Variants in NPSR1 observed in about 807,000 individuals in gnomAD.
The protein encoded by NPSR1 is neuropeptide S receptor 1.
A neutral mutation model predicts 46.9 loss-of-function variants in NPSR1; 48 were observed. The observed-to-expected ratio is 1.02, with a 90% CI of 0.81 to 1.30. The LOEUF (loss-of-function observed/expected upper bound fraction) is 1.30, where lower values mean the gene tolerates loss of function less well. Ranked by LOEUF, NPSR1 falls within the 50% of genes most tolerant of loss-of-function variation. The probability of loss-of-function intolerance (pLI) is 0.00; values close to 1 mark genes in which losing one functional copy is unlikely to be tolerated. For synonymous variants in NPSR1, 176 were observed against 168.1 expected (o/e 1.05, Z -0.36); for missense variants, 450 against 449.5 (o/e 1.00, Z -0.01).
Position 34,848,499 on chromosome 7 carries a change from G to T in NPSR1, c.861G>T (p.Trp287Cys), listed in dbSNP as rs1252697184. The T allele has an allele frequency of 5.6e-6, 9 of 1,614,078 alleles. No individual in the cohort carries two copies. The highest frequency in any genetic ancestry group is 7.6e-6 in the Non-Finnish European group (9 of 1,179,994). The change falls in exon 8 of 9, where the codon TGG (tryptophan) becomes TGT (cysteine). Residue 287 changes from tryptophan to cysteine, a missense_variant. By Grantham distance (215) the Trp-to-Cys change is radical (BLOSUM62 -2). Coordinates refer to ENST00000360581, the MANE Select transcript of NPSR1 (RefSeq NM_207172.2). ...IIIILAFICC[W>C]SPYFLFDILD... ...CTCCCCCAGCCTTCATCTGCTGTTG[G>T]AGTCCATACTTCCTGTTTGACATTT...
intron 8 of NPSR1, among the ~76,000 whole-genome samples, chr7:34,861,996 A>G (rs2128768098): frequency 6.6e-6 from 1 of 152,002 alleles, no homozygotes; most frequent in African/African-American, 2.4e-5. Context: ...TTCCAGCAAG[A>G]GCATTCTGCT....
intron 4 of NPSR1, among the ~76,000 whole-genome samples, chr7:34,814,443 G>T (rs549635425): frequency 1.2e-3 from 179 of 152,340 alleles, no homozygotes; most frequent in Non-Finnish European, 1.9e-3. Flanking sequence ...TGCCTCTATA[G>T]GCTCCACCTC....
In NPSR1 at chr7:34,792,043, T is replaced by C. The variant is rs563877165; in HGVS notation, c.384+13478T>C. On this transcript the variant is annotated intron_variant, in intron 3 of 8. Transcript: ENST00000360581. ...AGAGTGCAATTTAACCCTTAACTTA[T>C]ACAATACAGAAAAAAATCAACTCAA... Among the ~76,000 whole-genome samples, 20 of 152,088 alleles carry C rather than the reference T, an allele frequency of 1.3e-4. No individual in the cohort carries two copies. The South Asian group carries it at 3.9e-3, about 30-fold the overall frequency.
intron 1 of NPSR1, among the ~76,000 whole-genome samples, chr7:34,676,383 T>C (rs1039935080): frequency 2.0e-5 from 3 of 152,138 alleles, no homozygotes. Context: ...TGAGTCCAGG[T>C]CAGGTTGCTT....
intron 3 of NPSR1, among the ~76,000 whole-genome samples, chr7:34,791,638 C>G (rs1787887206): frequency 6.6e-6 from 1 of 151,928 alleles, no homozygotes; most frequent in African/African-American, 2.4e-5. Context: ...TCAAAGCTAT[C>G]TACAGATTCA....
intron 3 of NPSR1, among the ~76,000 whole-genome samples, chr7:34,781,518 G>A (rs894563001): frequency 6.6e-6 from 1 of 152,184 alleles, no homozygotes; most frequent in Non-Finnish European, 1.5e-5. Context: ...GAAGCTATCA[G>A]TATTAGACAC....
intron 2 of NPSR1, among the ~76,000 whole-genome samples, chr7:34,741,363 C>G (rs560594522): frequency 7.4e-4 from 113 of 152,238 alleles, no homozygotes; most frequent in African/African-American, 2.7e-3. Flanking sequence ...CCTGAGTATG[C>G]ATTTGATCTC....
chr7:34,871,855 G>C (rs1791461015), intron 8 of NPSR1, among the ~76,000 whole-genome samples: 1 of 151,906 alleles, frequency 6.6e-6, no homozygotes, highest in Non-Finnish European at 1.5e-5. Context: ...ACACATGGCT[G>C]TTCTCAAGAG....
intron 1 of NPSR1, among the ~76,000 whole-genome samples, chr7:34,672,597 G>A (rs979840422): frequency 3.3e-5 from 5 of 152,170 alleles, no homozygotes; most frequent in African/African-American, 1.2e-4. Flanking sequence ...CAATGACTAT[G>A]TCTTTCTGGT....
In NPSR1 at chr7:34,867,904, C is replaced by G. The variant is rs189516440; in HGVS notation, c.1026-10172C>G. On this transcript the variant is annotated intron_variant, in intron 8 of 8. Transcript: ENST00000359791. Reference sequence around the variant, plus strand: ...AATAAAGTAATAAGGTATGCCTGCCCTAAATGGAGAAAGTCCAGCCAGTAT... The same window carrying G: ...AATAAAGTAATAAGGTATGCCTGCCGTAAATGGAGAAAGTCCAGCCAGTAT... Among the ~76,000 whole-genome samples, 898 of 151,886 alleles carry G rather than the reference C, an allele frequency of 5.9e-3. 37 individuals are homozygous for G. Among genetic ancestry groups the G allele is most frequent in the African/African-American group, 0.021 (851 of 41,180 alleles).
intron 2 of NPSR1, chr7:34,750,739 G>C: frequency 7.2e-6 from 5 of 693,920 alleles, no homozygotes; most frequent in South Asian, 7.1e-5. Flanking sequence ...TCTTGCAAGG[G>C]CCTTGCTCTG....
chr7:34,733,498 C>A (rs184448), intron 2 of NPSR1, among the ~76,000 whole-genome samples: 79,904 of 151,442 alleles, frequency 0.53, 21,286 homozygotes, highest in East Asian at 0.56. Flanking sequence ...TTGCAATAGC[C>A]TATCCTGCAA....
chr7:34,853,907 A>G (rs1295916053), downstream of NPSR1, among the ~76,000 whole-genome samples: 1 of 151,978 alleles, frequency 6.6e-6, no homozygotes, highest in East Asian at 1.9e-4. Context: ...AGGAGGTTGC[A>G]GTGAGCCGAG....
chr7:34,848,755 G>A (rs1790832429), intron 8 of NPSR1, 92 bp downstream of exon 8: 5 of 1,119,376 alleles, frequency 4.5e-6, no homozygotes, highest in African/African-American at 1.6e-5. Flanking sequence ...AAACTCTCCA[G>A]CAGGTTACAG....
chr7:34,820,702 C>T (rs192043533), intron 4 of NPSR1, among the ~76,000 whole-genome samples: 4 of 151,974 alleles, frequency 2.6e-5, no homozygotes, highest in East Asian at 3.9e-4. Flanking sequence ...AGGGTTGGTC[C>T]GAAATGGCAG....
At chr7:34,733,497 C>G (rs1784532852) in intron 2 of NPSR1, among the ~76,000 whole-genome samples, 1 of 151,562 alleles carries the variant, frequency 6.6e-6, no homozygotes, top group African/African-American at 2.4e-5. Context: ...TTTGCAATAG[C>G]CTATCCTGCA....
intron 3 of NPSR1, among the ~76,000 whole-genome samples, chr7:34,787,730 G>A (rs1787528213): frequency 6.6e-6 from 1 of 152,244 alleles, no homozygotes. Flanking sequence ...GCTGAGGAGA[G>A]GGAGACAGAT....
intron 2 of NPSR1, among the ~76,000 whole-genome samples, chr7:34,727,142 A>C (rs1169762277): frequency 6.6e-6 from 1 of 152,134 alleles, no homozygotes; most frequent in Non-Finnish European, 1.5e-5. Flanking sequence ...GAAACTCTGC[A>C]CTTACTCGAT....
chr7:34,750,922 G>C (rs541894353), intron 2 of NPSR1: 38 of 740,436 alleles, frequency 5.1e-5, no homozygotes, highest in Non-Finnish European at 8.1e-5. Context: ...TCCACCCCCA[G>C]CTCGGGGTCT....
Sources: allele counts gnomAD v4.1 joint callset (sites outside exome capture counted in the v4.1 genomes callset), GRCh38; gene constraint gnomAD v4.1.1; transcripts MANE v1.5; gene names NCBI Gene and HGNC (gene_info 2026-07-23, HGNC 2026-07-21).